The following SPAG16 variants were observed in gnomAD, a reference collection of about 807,000 sequenced individuals.
The protein encoded by SPAG16 is sperm associated antigen 16.
Under a neutral mutation model 80.4 loss-of-function variants are expected in SPAG16, and 86 were observed. The observed-to-expected ratio is 1.07, with a 90% confidence interval of 0.90 to 1.28. The LOEUF is 1.28. Ranked by LOEUF, SPAG16 falls within the 50% of genes most tolerant of loss-of-function variation. The pLI, the probability that SPAG16 is intolerant of heterozygous loss-of-function variation, is 0.00. For synonymous variants in SPAG16, 294 were observed against 265.9 expected (o/e 1.11, Z -1.03); for missense variants, 870 against 765.3 (o/e 1.14, Z -1.61).
intron 10 of SPAG16, among the ~76,000 whole-genome samples, chr2:213,756,769 G>GT (rs36007824): frequency 0.88 from 133,487 of 151,044 alleles, 61,097 homozygotes; most frequent in East Asian, 0.99. Context: ...CACTCAAATA[G>GT]TTTTTTTTTA....
At chr2:213,442,208 C>T (rs543454397) in intron 9 of SPAG16, among the ~76,000 whole-genome samples, 2 of 152,276 alleles carry the variant, frequency 1.3e-5, no homozygotes, top group South Asian at 2.1e-4. Flanking sequence ...ACATGAAATA[C>T]TTAGGTCTAA....
intron 15 of SPAG16, among the ~76,000 whole-genome samples, chr2:214,309,423 CT>C (rs1695133947): frequency 6.6e-6 from 1 of 152,160 alleles, no homozygotes; most frequent in Non-Finnish European, 1.5e-5. Context: ...GCTTTAAACC[CT>C]CTCTGAAGAG....
intron 12 of SPAG16, 73 bp from the exon 13 acceptor site, chr2:214,013,878 A>C: frequency 6.9e-7 from 1 of 1,439,934 alleles, no homozygotes; most frequent in Non-Finnish European, 9.3e-7. Context: ...TCAGTTCCTT[A>C]AATTATTTTT....
At chr2:213,450,593 T>G (rs1001966415) in intron 9 of SPAG16, among the ~76,000 whole-genome samples, 1 of 152,198 alleles carries the variant, frequency 6.6e-6, no homozygotes, top group African/African-American at 2.4e-5. Flanking sequence ...TAATTGAATG[T>G]GCATTATTTT....
rs117558747 is a variant in SPAG16, at chr2:213,894,961, C to T, written c.1214+32333C>T. 4.9e-3 allele frequency among the ~76,000 whole-genome samples: 644 copies of T among 131,538 alleles called. 9 individuals carry two copies. The highest frequency in any genetic ancestry group is 0.042 in the East Asian group (187 of 4,498). The allele number at this position is 131,538 out of a possible 152,430, so 86.3% of individuals were successfully genotyped here. A position where few individuals can be genotyped will look rare whatever the true frequency, so the allele number is the denominator to read the frequency against. ...CTGAGATCGTGCCATTGCACTCCAGCGTGGCAACAGAACAAGGCTCCATCT... is the reference window on the plus strand; with the variant it reads ...CTGAGATCGTGCCATTGCACTCCAGTGTGGCAACAGAACAAGGCTCCATCT... On this transcript the variant is annotated intron_variant, in intron 11 of 15. Coordinates refer to ENST00000331683, the MANE Select transcript of SPAG16 (RefSeq NM_024532.5).
chr2:213,813,676 A>G (rs1306776803), intron 10 of SPAG16, among the ~76,000 whole-genome samples: 3 of 152,224 alleles, frequency 2.0e-5, no homozygotes, highest in African/African-American at 7.2e-5. Flanking sequence ...CTGATACAGA[A>G]GCAGAGGCGG....
At chr2:213,346,040 A>G (rs1006625642) in intron 6 of SPAG16, among the ~76,000 whole-genome samples, 4 of 151,930 alleles carry the variant, frequency 2.6e-5, no homozygotes, top group Admixed American at 6.6e-5. Context: ...ATTTGTTTGT[A>G]TCCTCTTTTA....
chr2:214,186,900 C>T (rs970973329), intron 15 of SPAG16, among the ~76,000 whole-genome samples: 1 of 152,116 alleles, frequency 6.6e-6, no homozygotes, highest in Non-Finnish European at 1.5e-5. Context: ...GCTGGGACTA[C>T]AGGCCTGTGC....
chr2:213,447,308 A>G (rs576584928), intron 9 of SPAG16, among the ~76,000 whole-genome samples: 5 of 152,000 alleles, frequency 3.3e-5, no homozygotes, highest in Admixed American at 6.5e-5. Flanking sequence ...AAGGCCTCAT[A>G]TGATATTCCC....
At chr2:213,728,122 T>C (rs1249620954) in intron 10 of SPAG16, among the ~76,000 whole-genome samples, 4 of 152,198 alleles carry the variant, frequency 2.6e-5, no homozygotes, top group Non-Finnish European at 4.4e-5. Flanking sequence ...GTGCTTGGAT[T>C]ACAGACGTGA....
intron 15 of SPAG16, among the ~76,000 whole-genome samples, chr2:214,281,630 T>C (rs1692946086): frequency 6.6e-6 from 1 of 152,128 alleles, no homozygotes. Context: ...GTTTGGAAAA[T>C]AGTTTAACAG....
chr2:213,593,860 C>T (rs1370733882), intron 10 of SPAG16, among the ~76,000 whole-genome samples: 4 of 141,222 alleles, frequency 2.8e-5, no homozygotes, highest in Non-Finnish European at 3.1e-5. Flanking sequence ...CTGCAAGCTC[C>T]GCCTCCCCGG....
chr2:214,045,998 T>G (rs2049300226), intron 13 of SPAG16, among the ~76,000 whole-genome samples: 1 of 151,758 alleles, frequency 6.6e-6, no homozygotes, highest in Non-Finnish European at 1.5e-5. Flanking sequence ...ATAAATAAAA[T>G]CTGAAATGAA....
intron 12 of SPAG16, among the ~76,000 whole-genome samples, chr2:213,965,945 A>C (rs1245349220): frequency 6.6e-6 from 1 of 152,186 alleles, no homozygotes; most frequent in African/African-American, 2.4e-5. Context: ...TATAAGTGAG[A>C]TGGATCAAAA....
At chr2:214,050,308 A>C (rs1408291239) in intron 13 of SPAG16, among the ~76,000 whole-genome samples, 1 of 145,606 alleles carries the variant, frequency 6.9e-6, no homozygotes. Context: ...AAAAAAAAAA[A>C]TTCAGTTTAT....
chr2:213,488,408 T>C (rs2074087262), intron 9 of SPAG16, among the ~76,000 whole-genome samples: 1 of 152,180 alleles, frequency 6.6e-6, no homozygotes. Flanking sequence ...TTATTTACAC[T>C]TCTAGTACTA....
At chr2:213,763,392 C>T (rs1018550175) in intron 10 of SPAG16, among the ~76,000 whole-genome samples, 3 of 152,010 alleles carry the variant, frequency 2.0e-5, no homozygotes, top group African/African-American at 4.8e-5. Flanking sequence ...GTGGATGAAC[C>T]TTAAGGGCAT....
At chr2:213,535,531 G>A (rs1280230802) in intron 10 of SPAG16, among the ~76,000 whole-genome samples, 2 of 151,962 alleles carry the variant, frequency 1.3e-5, no homozygotes, top group Non-Finnish European at 2.9e-5. Context: ...AAACTTTTTT[G>A]TAATTTCTTT....
At chr2:213,702,300 C>T (rs1188529223) in intron 10 of SPAG16, among the ~76,000 whole-genome samples, 2 of 152,322 alleles carry the variant, frequency 1.3e-5, no homozygotes, top group Non-Finnish European at 2.9e-5. Context: ...GCTGCCCGAG[C>T]CAGCTGCGGC....
Sources: allele counts gnomAD v4.1 joint callset (sites outside exome capture counted in the v4.1 genomes callset), GRCh38; gene constraint gnomAD v4.1.1; transcripts MANE v1.5; gene names NCBI Gene and HGNC (gene_info 2026-07-23, HGNC 2026-07-21).